SUMF1: variants seen among roughly 807,000 people sequenced by gnomAD.
SUMF1 encodes the protein sulfatase modifying factor 1.
SUMF1 carries 48 observed loss-of-function variants against 47.6 expected under a neutral mutation model. That is an observed-to-expected ratio of 1.01 (90% CI 0.80 to 1.28). The LOEUF (loss-of-function observed/expected upper bound fraction) is 1.28, where lower values mean the gene tolerates loss of function less well. SUMF1 is among the 50% of genes most tolerant of loss of function. The pLI is 0.00. For synonymous variants in SUMF1, 230 were observed against 192.1 expected (o/e 1.20, Z -1.63); for missense variants, 571 against 485.4 (o/e 1.18, Z -1.66).
At chr3:4,106,091 T>A (rs1340045904) in intron 8 of SUMF1, among the ~76,000 whole-genome samples, 2 of 152,008 alleles carry the variant, frequency 1.3e-5, no homozygotes, top group African/African-American at 2.4e-5. Flanking sequence ...CTTTTCACTA[T>A]AATAAACAAT....
At chr3:4,412,063 G>T (rs1298687443) in intron 6 of SUMF1, among the ~76,000 whole-genome samples, 1 of 152,312 alleles carries the variant, frequency 6.6e-6, no homozygotes, top group East Asian at 1.9e-4. Context: ...AGTGTGAAAA[G>T]AACTTAATCT....
At chr3:4,146,611 G>A (rs1343735645) in intron 8 of SUMF1, among the ~76,000 whole-genome samples, 1 of 151,500 alleles carries the variant, frequency 6.6e-6, no homozygotes, top group Non-Finnish European at 1.5e-5. Flanking sequence ...ATGTATACAT[G>A]TGCCATGTTG....
chr3:4,376,465 T>G (rs1700333777), intron 7 of SUMF1, 76 bp from the exon 8 acceptor site: 1 of 1,457,168 alleles, frequency 6.9e-7, no homozygotes, highest in Non-Finnish European at 9.6e-7. Flanking sequence ...GAATCCACTT[T>G]GATCCAACCA....
At chr3:4,102,859 GAGA>G (rs1055008642) in intron 8 of SUMF1, among the ~76,000 whole-genome samples, 20 of 151,730 alleles carry the variant, frequency 1.3e-4, no homozygotes, top group Non-Finnish European at 2.5e-4. Flanking sequence ...GAAAGACAGG[GAGA>G]AGAAGAGAGA....
At chr3:4,043,224 G>T (rs1419710978) in intron 9 of SUMF1, among the ~76,000 whole-genome samples, 1 of 151,996 alleles carries the variant, frequency 6.6e-6, no homozygotes, top group Non-Finnish European at 1.5e-5. Context: ...CTTCAGGCCT[G>T]GGCAGTACAA....
intron 8 of SUMF1, among the ~76,000 whole-genome samples, chr3:4,127,216 A>G (rs947667899): frequency 1.3e-5 from 2 of 152,222 alleles, no homozygotes; most frequent in African/African-American, 4.8e-5. Context: ...TGAAATGGCT[A>G]AAAACCAAAC....
chr3:4,160,719 C>T (rs575109349), intron 8 of SUMF1, among the ~76,000 whole-genome samples: 50 of 152,042 alleles, frequency 3.3e-4, no homozygotes, highest in Non-Finnish European at 6.3e-4. Context: ...ATTCTGAATT[C>T]CTTCTCTGTG....
intron 8 of SUMF1, among the ~76,000 whole-genome samples, chr3:4,244,745 A>G (rs1421975885): frequency 6.6e-6 from 1 of 151,880 alleles, no homozygotes; most frequent in Non-Finnish European, 1.5e-5. Flanking sequence ...TCAGGTTCCT[A>G]TTCTCGTGGA....
chr3:4,054,015 C>G (rs187253732), intron 9 of SUMF1, among the ~76,000 whole-genome samples: 1 of 152,204 alleles, frequency 6.6e-6, no homozygotes, highest in East Asian at 1.9e-4. Flanking sequence ...AAACTCGTCT[C>G]TACCAAATCA....
At chr3:4,287,266 AC>A (rs933553897) in intron 8 of SUMF1, among the ~76,000 whole-genome samples, 2 of 152,198 alleles carry the variant, frequency 1.3e-5, no homozygotes, top group Non-Finnish European at 2.9e-5. Context: ...AAAGTTCAGA[AC>A]CAGCAACTTA....
intron 3 of SUMF1, among the ~76,000 whole-genome samples, chr3:4,425,876 A>T (rs1702052105): frequency 1.3e-5 from 2 of 152,232 alleles, no homozygotes; most frequent in Non-Finnish European, 2.9e-5. Flanking sequence ...GGCACGCCTT[A>T]CATGGCAGCA....
chr3:4,343,422 G>T (rs980497860), intron 8 of SUMF1, among the ~76,000 whole-genome samples: 1 of 152,200 alleles, frequency 6.6e-6, no homozygotes, highest in African/African-American at 2.4e-5. Flanking sequence ...TATTCCTGAA[G>T]ACTGATTTCA....
chr3:4,212,745 A>G (rs183990363), intron 8 of SUMF1, among the ~76,000 whole-genome samples: 1 of 152,222 alleles, frequency 6.6e-6, no homozygotes, highest in East Asian at 1.9e-4. Context: ...AAAACACAGC[A>G]CAAGAACTTT....
intron 8 of SUMF1, chr3:4,313,559 A>G (rs1307428005): frequency 6.2e-7 from 1 of 1,614,020 alleles, no homozygotes; most frequent in Admixed American, 1.7e-5. Flanking sequence ...ACAGTCAGTG[A>G]AGACAAAGAA....
chr3:4,283,309 T>C (rs1048568870), intron 8 of SUMF1, among the ~76,000 whole-genome samples: 3 of 152,222 alleles, frequency 2.0e-5, no homozygotes, highest in Non-Finnish European at 2.9e-5. Context: ...TTCATCCTTT[T>C]ATTGTTGTTA....
chr3:4,136,373 G>A (rs1402839869), intron 8 of SUMF1, among the ~76,000 whole-genome samples: 1 of 152,114 alleles, frequency 6.6e-6, no homozygotes, highest in Non-Finnish European at 1.5e-5. Context: ...AATGGGGAAA[G>A]GACTCCCTAT....
intron 8 of SUMF1, among the ~76,000 whole-genome samples, chr3:4,228,318 C>T (rs1193401931): frequency 6.6e-6 from 1 of 152,080 alleles, no homozygotes; most frequent in Non-Finnish European, 1.5e-5. Context: ...ATGTCTCCTT[C>T]ACCCTTTGTA....
At chr3:4,264,728 G>A (rs924272785) in intron 8 of SUMF1, among the ~76,000 whole-genome samples, 1 of 152,136 alleles carries the variant, frequency 6.6e-6, no homozygotes, top group Non-Finnish European at 1.5e-5. Context: ...GTCAGGGGAG[G>A]ATAGCCTGGA....
intron 8 of SUMF1, among the ~76,000 whole-genome samples, chr3:4,200,918 C>T (rs973315644): frequency 6.6e-6 from 1 of 152,026 alleles, no homozygotes; most frequent in Non-Finnish European, 1.5e-5. Flanking sequence ...TTAGCTAATA[C>T]CACATTGTCT....
Sources: allele counts gnomAD v4.1 joint callset (sites outside exome capture counted in the v4.1 genomes callset), GRCh38; gene constraint gnomAD v4.1.1; transcripts MANE v1.5; gene names NCBI Gene and HGNC (gene_info 2026-07-23, HGNC 2026-07-21).